PSMA6: variants seen among roughly 807,000 people sequenced by gnomAD.
The protein encoded by PSMA6 is proteasome subunit alpha type-6.
For missense variants in PSMA6, 170 were observed against 294.8 expected (o/e 0.58, Z 3.10); for synonymous variants, 88 against 97.7 (o/e 0.90, Z 0.59).
In PSMA6 at chr14:35,313,408, T is replaced by G. The variant is rs554025128; in HGVS notation, c.588+349T>G. The G allele has an allele frequency of 2.3e-5, 4 of 174,170 alleles. No homozygotes were observed. In the South Asian group the frequency reaches 7.7e-4, roughly 34 times the overall value. 10.8% of individuals were successfully genotyped at this position (174,170 alleles called of 1,614,324 possible). ...GAGTCTAGGTGTTCGAGGCCAGTCC[T>G]ATTTACTGCCAAGAAATTAAAAACA... On this transcript the variant is annotated intron_variant, in intron 5 of 6. Coordinates refer to ENST00000261479, the MANE Select transcript of PSMA6 (RefSeq NM_002791.3).
chr14:35,283,864 GT>G (rs2051394620), intron 1 of PSMA6, among the ~76,000 whole-genome samples: 1 of 152,134 alleles, frequency 6.6e-6, no homozygotes, highest in African/African-American at 2.4e-5. Flanking sequence ...GAGCCACCAT[GT>G]CCAGCCTTTA....
At chr14:35,293,509 T>C (rs1227531804) in intron 1 of PSMA6, among the ~76,000 whole-genome samples, 1 of 152,194 alleles carries the variant, frequency 6.6e-6, no homozygotes, top group Non-Finnish European at 1.5e-5. Context: ...CACAGTAATA[T>C]AATCATCTGT....
At chr14:35,312,506 C>CAA (rs200184285) in intron 4 of PSMA6, among the ~76,000 whole-genome samples, 2,099 of 99,948 alleles carry the variant, frequency 0.021, 165 homozygotes, top group African/African-American at 0.045. Flanking sequence ...GAGTCTGTCT[C>CAA]AAAAAAAAAA....
At chr14:35,310,675 T>C (rs1194309518) in intron 3 of PSMA6, 65 bp from the exon 4 acceptor site, 4 of 1,559,814 alleles carry the variant, frequency 2.6e-6, no homozygotes, top group Non-Finnish European at 3.5e-6. Context: ...CCTGGCTAAA[T>C]TGCCTGGCTT....
chr14:35,314,724 A>ACTTTATATCTAACACCAGAGATGACAT, intron 6 of PSMA6: 1 of 216,484 alleles, frequency 4.6e-6, no homozygotes, highest in Non-Finnish European at 8.6e-6. Flanking sequence ...TGTAAGGAAA[A>ACTTTATATCTAACACCAGAGATGACAT]AAATTAGCAT....
At chr14:35,314,295 T>C in intron 5 of PSMA6, 66 bp from the exon 6 acceptor site, 2 of 1,444,522 alleles carry the variant, frequency 1.4e-6, no homozygotes, top group Middle Eastern at 2.5e-4. Flanking sequence ...TTGAATAAGC[T>C]AGGAATGAGA....
intron 1 of PSMA6, among the ~76,000 whole-genome samples, chr14:35,298,820 G>C (rs769533747): frequency 6.7e-6 from 1 of 149,928 alleles, no homozygotes; most frequent in Admixed American, 6.7e-5. Flanking sequence ...TATAACTTCC[G>C]CCTCCCAGGT....
chr14:35,283,391 G>GA (rs1016150307), intron 1 of PSMA6, among the ~76,000 whole-genome samples: 1 of 151,012 alleles, frequency 6.6e-6, no homozygotes, highest in Non-Finnish European at 1.5e-5. Context: ...GAGAGAAAGA[G>GA]AAAAAATACT....
At chr14:35,290,633 G>A (rs2051467266), upstream of PSMA6, among the ~76,000 whole-genome samples, 1 of 152,200 alleles carries the variant, frequency 6.6e-6, no homozygotes, top group African/African-American at 2.4e-5. Context: ...CATTAAAGGA[G>A]TAAGAATCCC....
chr14:35,280,387 T>G (rs1476690372), intron 1 of PSMA6, among the ~76,000 whole-genome samples: 1 of 151,078 alleles, frequency 6.6e-6, no homozygotes, highest in African/African-American at 2.4e-5. Flanking sequence ...TTTTTTTTTT[T>G]TTTCTTTTTC....
rs777404709 is a variant in PSMA6, at chr14:35,292,431, A to G, written c.-46A>G. The G allele has an allele frequency of 1.8e-5, 28 of 1,588,846 alleles. No individual in the cohort carries two copies. The highest frequency in any genetic ancestry group is 2.4e-5 in the Non-Finnish European group (28 of 1,167,972). On this transcript the variant is annotated 5_prime_UTR_variant, in exon 1 of 7. Transcript: ENST00000261479. Reference sequence around the variant, plus strand: ...GAGGTGCTTGTGTGCCTGGTGCGGGAGCTACGGGGCCCAGGGATTGTGTTT... The same window carrying G: ...GAGGTGCTTGTGTGCCTGGTGCGGGGGCTACGGGGCCCAGGGATTGTGTTT...
At chr14:35,303,677 A>T (rs1180403700) in intron 1 of PSMA6, among the ~76,000 whole-genome samples, 2 of 152,216 alleles carry the variant, frequency 1.3e-5, no homozygotes, top group Non-Finnish European at 2.9e-5. Context: ...CAGAATCAAG[A>T]AGCACTTTGA....
At chr14:35,309,020 A>C in intron 3 of PSMA6, 25 bp downstream of exon 3, 1 of 1,456,294 alleles carries the variant, frequency 6.9e-7, no homozygotes, top group Non-Finnish European at 9.5e-7. Flanking sequence ...GATATACAAG[A>C]CATCTGTAGA....
intron 1 of PSMA6, among the ~76,000 whole-genome samples, chr14:35,298,284 G>T (rs1008993328): frequency 1.3e-5 from 2 of 152,090 alleles, no homozygotes; most frequent in South Asian, 4.1e-4. Context: ...AAGTTTAGGT[G>T]TTCAAGACCA....
At chr14:35,286,652 T>C (rs577753464) in intron 1 of PSMA6, among the ~76,000 whole-genome samples, 4 of 152,246 alleles carry the variant, frequency 2.6e-5, no homozygotes, top group Non-Finnish European at 5.9e-5. Flanking sequence ...TGTATTTAAA[T>C]GTCCTTTGGG....
At chr14:35,293,764 T>C (rs2051531387) in intron 1 of PSMA6, among the ~76,000 whole-genome samples, 1 of 152,258 alleles carries the variant, frequency 6.6e-6, no homozygotes. Flanking sequence ...TCATTTATTG[T>C]ATTAAATTCC....
At chr14:35,287,151 A>G (rs953017918) in intron 1 of PSMA6, among the ~76,000 whole-genome samples, 6 of 152,190 alleles carry the variant, frequency 3.9e-5, no homozygotes, top group African/African-American at 1.4e-4. Context: ...GATCTGAGAA[A>G]GACAAAAAAG....
At position 35,310,721 on chromosome 14, in the gene PSMA6, TTG is replaced by T; in HGVS notation, c.254-17_254-16del. The T allele has an allele frequency of 6.2e-7, 1 of 1,610,930 alleles. No homozygotes were observed. The highest frequency in any genetic ancestry group is 8.5e-7 in the Non-Finnish European group (1 of 1,179,494). On this transcript the variant is annotated splice_polypyrimidine_tract_variant and intron_variant, in intron 3 of 6. Transcript: ENST00000261479. ...TCTTTCCTTCTAACCAGGTAAATCT[TTG>T]TTTTTTATGCTATAAGCTGACAGCA...
intron 1 of PSMA6, among the ~76,000 whole-genome samples, chr14:35,298,578 G>C (rs1344320193): frequency 2.0e-5 from 3 of 152,010 alleles, no homozygotes; most frequent in Non-Finnish European, 4.4e-5. Context: ...CTCAGTTTTA[G>C]AGTTCTGTAA....
Sources: gnomAD v4.1 joint callset for allele counts (sites outside exome capture counted in the v4.1 genomes callset) on GRCh38, gnomAD v4.1.1 for gene constraint, MANE v1.5 for transcripts, NCBI Gene and HGNC (gene_info 2026-07-23, HGNC 2026-07-21) for gene names.